The following GRM1 variants were observed in gnomAD, a reference collection of about 807,000 sequenced individuals.
GRM1 encodes glutamate metabotropic receptor 1, also known as metabotropic glutamate receptor 1.
A neutral mutation model predicts 90.9 loss-of-function variants in GRM1; 33 were observed. The ratio of observed to expected loss-of-function variants is 0.36; its 90% confidence interval spans 0.28 to 0.49. The LOEUF (loss-of-function observed/expected upper bound fraction) is 0.49. GRM1 is among the 20% of genes least tolerant of loss of function. The pLI, the probability that GRM1 is intolerant of heterozygous loss-of-function variation, is 0.99. For missense variants in GRM1, 1,190 were observed against 1,534.3 expected, an observed-to-expected ratio of 0.78 and a Z score of 3.75; for synonymous variants, 700 against 613.2, an observed-to-expected ratio of 1.14 and a Z score of -2.09.
chr6:146,326,592 G>GT (rs1401674752), intron 3 of GRM1, among the ~76,000 whole-genome samples: 2 of 150,986 alleles, frequency 1.3e-5, no homozygotes, highest in African/African-American at 4.9e-5. Flanking sequence ...GAACTTAAAA[G>GT]TTAAAAAAAA....
At chr6:146,095,547 A>G (rs1322706068) in intron 1 of GRM1, among the ~76,000 whole-genome samples, 1 of 152,088 alleles carries the variant, frequency 6.6e-6, no homozygotes, top group Non-Finnish European at 1.5e-5. Context: ...TTTCTCAGAA[A>G]TATCTTCATA....
rs185510502 is a variant in GRM1, at chr6:146,251,235, G to A, written c.951-53376G>A. On this transcript the variant is annotated intron_variant, in intron 2 of 7. Coordinates refer to ENST00000282753, the MANE Select transcript of GRM1 (RefSeq NM_001278064.2). ...CCTTCTTTGGTCCTCTTACAATCAG[G>A]CATCTTAAATACTGACTCCATGTCT... 4.6e-5 allele frequency among the ~76,000 whole-genome samples: 7 copies of A among 152,198 alleles called. 1 individual carries two copies. Among genetic ancestry groups the A allele is most frequent in the Admixed American group, 3.9e-4 (6 of 15,278 alleles).
At chr6:146,258,609 T>C (rs547827598) in intron 2 of GRM1, among the ~76,000 whole-genome samples, 17 of 152,156 alleles carry the variant, frequency 1.1e-4, no homozygotes, top group Admixed American at 8.5e-4. Context: ...AGCCTTGAAA[T>C]CCTGGGCTCA....
intron 5 of GRM1, among the ~76,000 whole-genome samples, chr6:146,377,452 G>A (rs1187845900): frequency 6.6e-6 from 1 of 152,132 alleles, no homozygotes; most frequent in East Asian, 1.9e-4. Flanking sequence ...GAGACTGGTG[G>A]CGTTATGTCC....
intron 1 of GRM1, among the ~76,000 whole-genome samples, chr6:146,040,223 CAAAG>C (rs1304201831): frequency 6.6e-6 from 1 of 151,816 alleles, no homozygotes; most frequent in African/African-American, 2.4e-5. Context: ...AGAACAGTGA[CAAAG>C]AAAGCTGATG....
At chr6:146,315,918 T>C (rs1001230256) in intron 3 of GRM1, among the ~76,000 whole-genome samples, 3 of 152,240 alleles carry the variant, frequency 2.0e-5, no homozygotes, top group African/African-American at 7.2e-5. Context: ...CAGTAAGTCA[T>C]AACCAAATAC....
At chr6:146,278,951 C>A (rs4896866) in intron 2 of GRM1, among the ~76,000 whole-genome samples, 31,962 of 152,058 alleles carry the variant, frequency 0.21, 7,460 homozygotes, top group African/African-American at 0.58. Flanking sequence ...CTAATCCGCC[C>A]GCCTCGGCCT....
At chr6:146,116,666 T>C (rs1159745529) in intron 1 of GRM1, among the ~76,000 whole-genome samples, 1 of 152,134 alleles carries the variant, frequency 6.6e-6, no homozygotes, top group Admixed American at 6.5e-5. Flanking sequence ...TTTCTTATCA[T>C]TGGTTGAAGA....
At chr6:146,167,031 A>G (rs4551188) in intron 2 of GRM1, among the ~76,000 whole-genome samples, 25,874 of 152,072 alleles carry the variant, frequency 0.17, 3,315 homozygotes, top group African/African-American at 0.36. Context: ...TGCTTGCACA[A>G]TGTTTCTTAG....
At chr6:146,418,898 A>G (rs796599257) in intron 7 of GRM1, among the ~76,000 whole-genome samples, 1 of 152,182 alleles carries the variant, frequency 6.6e-6, no homozygotes, top group Non-Finnish European at 1.5e-5. Context: ...GAGAAATTCT[A>G]TGGTTTTCTT....
intron 2 of GRM1, among the ~76,000 whole-genome samples, chr6:146,173,526 T>A (rs992004404): frequency 1.3e-5 from 2 of 152,036 alleles, no homozygotes; most frequent in Non-Finnish European, 2.9e-5. Flanking sequence ...TTTTGATGAA[T>A]AGTAAAATAA....
At chr6:146,304,911 T>C in intron 3 of GRM1, 65 bp downstream of exon 3, 1 of 1,129,174 alleles carries the variant, frequency 8.9e-7, no homozygotes, top group African/African-American at 1.5e-5. Flanking sequence ...TATTGCAACT[T>C]GTTGAATGAG....
intron 7 of GRM1, among the ~76,000 whole-genome samples, chr6:146,413,431 A>C (rs941890143): frequency 6.6e-6 from 1 of 151,888 alleles, no homozygotes; most frequent in East Asian, 1.9e-4. Flanking sequence ...TAATTTTAGG[A>C]AAGTTTTCTT....
chr6:146,327,157 T>G (rs898204014), intron 3 of GRM1, among the ~76,000 whole-genome samples: 9 of 152,154 alleles, frequency 5.9e-5, no homozygotes, highest in Non-Finnish European at 1.3e-4. Flanking sequence ...ATCTAATGCC[T>G]TTTTTTCTGT....
At position 146,029,558 on chromosome 6, in the gene GRM1, T is replaced by C; in HGVS notation, c.41T>C (p.Leu14Ser). 1 of 1,614,082 alleles carries C rather than the reference T, an allele frequency of 6.2e-7. No homozygotes were observed. Residue 14 changes from leucine (L) to serine (S), a missense_variant, in exon 1 of 8, where the codon TTG becomes TCG. This residue lies in a region of GRM1 where 44 missense variants were observed against 35.8 expected (regional missense o/e 1.23). Coordinates refer to ENST00000282753, the MANE Select transcript of GRM1 (RefSeq NM_001278064.2). ...TTGTTTTTTTTCCCAGCGATCTTTT[T>C]GGAGGTGTCCCTTCTCCCCAGAAGC... is the stretch of plus-strand genomic sequence containing the variant. ...LLLFFFPAIFLEVSLLPRSPG... is the reference protein window; with the variant it reads ...LLLFFFPAIFSEVSLLPRSPG...
chr6:146,056,351 G>A (rs982654423), intron 1 of GRM1, among the ~76,000 whole-genome samples: 5 of 151,962 alleles, frequency 3.3e-5, no homozygotes, highest in Non-Finnish European at 7.4e-5. Flanking sequence ...GCTGTTGCCA[G>A]GTCTCTTATT....
chr6:146,205,033 A>C (rs1262277710), intron 2 of GRM1, among the ~76,000 whole-genome samples: 1 of 152,234 alleles, frequency 6.6e-6, no homozygotes, highest in Non-Finnish European at 1.5e-5. Context: ...ATGAAAATGC[A>C]TGCATCAAAA....
At chr6:146,108,819 G>A (rs1228066390) in intron 1 of GRM1, among the ~76,000 whole-genome samples, 2 of 152,154 alleles carry the variant, frequency 1.3e-5, no homozygotes, top group African/African-American at 4.8e-5. Context: ...TACAATCCAG[G>A]TTGAGGAGAT....
chr6:146,177,576 G>C (rs1583117718), intron 2 of GRM1, among the ~76,000 whole-genome samples: 1 of 152,148 alleles, frequency 6.6e-6, no homozygotes, highest in South Asian at 2.1e-4. Context: ...TTTGAAGCTG[G>C]ATAACTTATG....
Sources: gnomAD v4.1 joint callset for allele counts (sites outside exome capture counted in the v4.1 genomes callset) on GRCh38, gnomAD v4.1.1 for gene constraint, gnomAD v4.1.1 regional missense constraint, MANE v1.5 for transcripts, NCBI Gene and HGNC (gene_info 2026-07-23, HGNC 2026-07-21) for gene names.